BMAL1: variants seen among roughly 807,000 people sequenced by gnomAD.
BMAL1 encodes basic helix-loop-helix ARNT-like protein 1.
At chr11:13,386,401 C>G in the BMAL1 span, among the ~76,000 whole-genome samples, 1 of 152,022 alleles carries the variant, frequency 6.6e-6, no homozygotes, top group Non-Finnish European at 1.5e-5. Context: ...TTATTTCTTA[C>G]GTATTTTTAA....
chr11:13,338,982 A>G, the BMAL1 span, among the ~76,000 whole-genome samples: 1 of 152,188 alleles, frequency 6.6e-6, no homozygotes. Flanking sequence ...GGCATCCCAC[A>G]CTGAACATGT....
At chr11:13,354,509 A>G in the BMAL1 span, 1 of 1,580,994 alleles carries the variant, frequency 6.3e-7, no homozygotes, top group Non-Finnish European at 8.6e-7. Context: ...CGGGCATGGA[A>G]CATCTAGCAG....
chr11:13,366,860 G>GC, the BMAL1 span: 2 of 1,113,210 alleles, frequency 1.8e-6, no homozygotes, highest in Non-Finnish European at 1.3e-6. Flanking sequence ...GAGGGCGGGT[G>GC]TGTGTGATGG....
the BMAL1 span, among the ~76,000 whole-genome samples, chr11:13,363,751 CT>C: frequency 2.0e-5 from 3 of 152,332 alleles, 1 homozygote; most frequent in Middle Eastern, 0.01. Context: ...GCCTCTGTGT[CT>C]TTTATTAACC....
At chr11:13,372,388 A>G in the BMAL1 span, 1 of 1,614,198 alleles carries the variant, frequency 6.2e-7, no homozygotes, top group Non-Finnish European at 8.5e-7. Context: ...ATAGATGGAA[A>G]GTTTGTTTTT....
chr11:13,319,537 C>A, the BMAL1 span, among the ~76,000 whole-genome samples: 1 of 152,150 alleles, frequency 6.6e-6, no homozygotes, highest in Non-Finnish European at 1.5e-5. Flanking sequence ...AAAAGCCTCA[C>A]AAATAATGCC....
the BMAL1 span, among the ~76,000 whole-genome samples, chr11:13,357,636 G>C: frequency 1.3e-3 from 200 of 152,316 alleles, no homozygotes; most frequent in African/African-American, 4.6e-3. The surrounding 1 kb of genome is among the most constrained non-coding windows in gnomAD (Gnocchi z 4.8). Context: ...CTGAGGCTGC[G>C]TCATGACAGA....
chr11:13,380,154 A>G, the BMAL1 span: 1 of 152,242 alleles, frequency 6.6e-6, no homozygotes, highest in African/African-American at 2.4e-5. Context: ...ATAAGTAGAG[A>G]AAGGTGGGGG....
the BMAL1 span, among the ~76,000 whole-genome samples, chr11:13,353,732 A>G: frequency 6.6e-6 from 1 of 152,224 alleles, no homozygotes; most frequent in Non-Finnish European, 1.5e-5. Flanking sequence ...TGGCTGAGGC[A>G]CGAGAGTCAC....
the BMAL1 span, chr11:13,358,297 AT>A: frequency 9.4e-7 from 1 of 1,059,726 alleles, no homozygotes; most frequent in Non-Finnish European, 1.3e-6. Context: ...GAAAAGTCTA[AT>A]TTTAAACATT....
chr11:13,303,001 A>C, the BMAL1 span, among the ~76,000 whole-genome samples: 3 of 152,366 alleles, frequency 2.0e-5, no homozygotes, highest in Non-Finnish European at 4.4e-5. Flanking sequence ...TAACAATAGC[A>C]GTCATCATGT....
the BMAL1 span, chr11:13,276,895 A>C: frequency 6.6e-6 from 1 of 152,252 alleles, no homozygotes; most frequent in Admixed American, 6.5e-5. Flanking sequence ...CTCCGTAGAC[A>C]GCTTTTTGCA....
chr11:13,378,206 A>T, the BMAL1 span: 1 of 1,265,056 alleles, frequency 7.9e-7, no homozygotes, highest in Non-Finnish European at 1.0e-6. Context: ...CTGTAGCCCT[A>T]AAGTCCCTCA....
the BMAL1 span, among the ~76,000 whole-genome samples, chr11:13,318,846 T>C: frequency 1.3e-5 from 2 of 152,196 alleles, no homozygotes; most frequent in Admixed American, 1.3e-4. Context: ...AAAAACTTTT[T>C]TGTTTTTGTC....
At chr11:13,284,106 G>GTA in the BMAL1 span, among the ~76,000 whole-genome samples, 54 of 80,684 alleles carry the variant, frequency 6.7e-4, 4 homozygotes, top group Middle Eastern at 0.01. Flanking sequence ...GTGTGTGTGT[G>GTA]TGTGTATATA....
the BMAL1 span, among the ~76,000 whole-genome samples, chr11:13,278,548 C>T: frequency 3.9e-5 from 6 of 152,242 alleles, no homozygotes; most frequent in Non-Finnish European, 7.3e-5. Flanking sequence ...GTCCGCCCGC[C>T]CCTTCGGCCC....
chr11:13,290,252 G>A, the BMAL1 span, among the ~76,000 whole-genome samples: 3 of 152,134 alleles, frequency 2.0e-5, no homozygotes, highest in Non-Finnish European at 2.9e-5. Flanking sequence ...TTTCACCCCC[G>A]TAAGCCTGGG....
the BMAL1 span, among the ~76,000 whole-genome samples, chr11:13,345,187 CAG>C: frequency 3.0e-3 from 457 of 152,366 alleles, 2 homozygotes; most frequent in African/African-American, 0.011. Flanking sequence ...AGGGGTAACA[CAG>C]TGGGCCAGAA....
At chr11:13,284,230 GTGTGTATA>G in the BMAL1 span, among the ~76,000 whole-genome samples, 76 of 20,636 alleles carry the variant, frequency 3.7e-3, 3 homozygotes, top group Admixed American at 5.2e-3. Context: ...ATATATATGT[GTGTGTATA>G]TATATATATA....
Sources: gnomAD v4.1 joint callset for allele counts (sites outside exome capture counted in the v4.1 genomes callset) on GRCh38, gnomAD v4.1.1 for gene constraint, Gnocchi (gnomAD v3.1) non-coding constraint, MANE v1.5 for transcripts, NCBI Gene and HGNC (gene_info 2026-07-23, HGNC 2026-07-21) for gene names.